The following FAM120A variants were observed in gnomAD, a reference collection of about 807,000 sequenced individuals.
FAM120A encodes the protein constitutive coactivator of PPAR-gamma-like protein 1.
FAM120A carries 15 observed loss-of-function variants against 109.7 expected under a neutral mutation model. The observed-to-expected ratio is 0.14, with a 90% CI of 0.09 to 0.21. The LOEUF is 0.21. Among genes scored for constraint, FAM120A ranks in the 10% least tolerant of loss-of-function variants. The pLI is 1.00. For missense variants in FAM120A, 899 were observed against 1,439.3 expected, an observed-to-expected ratio of 0.62 and a Z score of 6.07; for synonymous variants, 493 against 572.8, an observed-to-expected ratio of 0.86 and a Z score of 1.99.
chr9:93,466,891 A>G (rs1380469510), intron 1 of FAM120A, among the ~76,000 whole-genome samples: 1 of 152,116 alleles, frequency 6.6e-6, no homozygotes, highest in African/African-American at 2.4e-5. Context: ...TGTTCCTGCA[A>G]AGTAATTTCA....
intron 10 of FAM120A, among the ~76,000 whole-genome samples, chr9:93,533,708 CT>C (rs1347588903): frequency 6.6e-6 from 1 of 152,192 alleles, no homozygotes; most frequent in Non-Finnish European, 1.5e-5. Context: ...CTCAGACCCC[CT>C]TTTTTCAGTT....
At chr9:93,469,117 G>C (rs1295169327) in intron 1 of FAM120A, among the ~76,000 whole-genome samples, 1 of 152,214 alleles carries the variant, frequency 6.6e-6, no homozygotes, top group Non-Finnish European at 1.5e-5. Flanking sequence ...TTCAGGTCTT[G>C]GTTAGAAAGC....
intron 1 of FAM120A, among the ~76,000 whole-genome samples, chr9:93,461,385 G>A (rs1193496083): frequency 6.6e-6 from 1 of 152,110 alleles, no homozygotes; most frequent in African/African-American, 2.4e-5. Context: ...TGGATGAGGT[G>A]TTTTAATTTC....
chr9:93,514,835 T>C (rs1860496686), intron 5 of FAM120A, among the ~76,000 whole-genome samples: 2 of 152,234 alleles, frequency 1.3e-5, no homozygotes, highest in Admixed American at 1.3e-4. Context: ...CTTCCTGTGC[T>C]TAGTTAGGCC....
At chr9:93,483,328 A>G (rs978948246) in intron 3 of FAM120A, among the ~76,000 whole-genome samples, 1 of 152,060 alleles carries the variant, frequency 6.6e-6, no homozygotes, top group African/African-American at 2.4e-5. Context: ...TTTAGAAAAT[A>G]TAATATTAGG....
At position 93,452,156 on chromosome 9, in the gene FAM120A, C is replaced by T. The variant is rs1050374233; in HGVS notation, c.241C>T (p.Leu81=). Residue 81 remains leucine (L), a synonymous_variant, in exon 1 of 18, where the codon CTG becomes TTG. Transcript: ENST00000277165. The surrounding 1 kb of genome is among the most constrained non-coding windows in gnomAD (Gnocchi z 7.0). ...WNHMLGYLAA[L]AKACFGGNIE... ...CCACATGCTTGGCTACCTGGCGGCG[C>T]TGGCCAAGGCCTGCTTCGGCGGCAA... The T allele has an allele frequency of 1.9e-6, 3 of 1,611,960 alleles. No homozygotes were observed. The highest frequency in any genetic ancestry group is 1.7e-6 in the Non-Finnish European group (2 of 1,179,802).
intron 1 of FAM120A, among the ~76,000 whole-genome samples, chr9:93,460,021 C>T (rs1274765632): frequency 5.3e-5 from 8 of 152,284 alleles, no homozygotes; most frequent in Admixed American, 1.3e-4. Flanking sequence ...TCAAAATACA[C>T]GCAGGTATAC....
intron 10 of FAM120A, among the ~76,000 whole-genome samples, chr9:93,537,011 A>G (rs544507465): frequency 2.0e-5 from 3 of 152,336 alleles, no homozygotes; most frequent in African/African-American, 7.2e-5. Flanking sequence ...CCACGGTGAT[A>G]GTGGCACCTG....
intron 11 of FAM120A, among the ~76,000 whole-genome samples, chr9:93,547,321 G>A (rs1861923137): frequency 6.6e-6 from 1 of 152,228 alleles, no homozygotes; most frequent in African/African-American, 2.4e-5. Flanking sequence ...GGGATGGAGG[G>A]CATAAGGCTC....
intron 3 of FAM120A, among the ~76,000 whole-genome samples, chr9:93,488,950 T>G (rs1256376615): frequency 6.6e-6 from 1 of 151,558 alleles, no homozygotes; most frequent in Non-Finnish European, 1.5e-5. Flanking sequence ...TTCCCCTGTT[T>G]AGAATTTCTC....
intron 2 of FAM120A, among the ~76,000 whole-genome samples, chr9:93,475,371 G>A (rs1015607295): frequency 2.6e-4 from 40 of 152,200 alleles, no homozygotes; most frequent in African/African-American, 8.4e-4. Flanking sequence ...TTTGGACTAC[G>A]GATGCTCAAC....
chr9:93,486,884 C>T (rs1227518916), intron 3 of FAM120A, among the ~76,000 whole-genome samples: 1 of 152,150 alleles, frequency 6.6e-6, no homozygotes, highest in African/African-American at 2.4e-5. Context: ...AGCAGCTGCA[C>T]AGTTTACATT....
intron 7 of FAM120A, among the ~76,000 whole-genome samples, chr9:93,522,562 A>C (rs2131436878): frequency 6.6e-6 from 1 of 152,266 alleles, no homozygotes; most frequent in African/African-American, 2.4e-5. Flanking sequence ...CATCCACTTT[A>C]TTGCTTTAAT....
intron 1 of FAM120A, among the ~76,000 whole-genome samples, chr9:93,456,029 A>G (rs1430312000): frequency 6.6e-6 from 1 of 152,172 alleles, no homozygotes; most frequent in African/African-American, 2.4e-5. Flanking sequence ...TTTGTTCAGT[A>G]GTAGTAATTG....
At chr9:93,521,686 C>T (rs1230870926) in intron 7 of FAM120A, among the ~76,000 whole-genome samples, 1 of 152,082 alleles carries the variant, frequency 6.6e-6, no homozygotes, top group Non-Finnish European at 1.5e-5. Flanking sequence ...TACCAGCATA[C>T]ACTTGCTTTA....
At chr9:93,539,570 A>G (rs1046498267) in intron 10 of FAM120A, among the ~76,000 whole-genome samples, 3 of 152,210 alleles carry the variant, frequency 2.0e-5, no homozygotes, top group African/African-American at 4.8e-5. Context: ...TCATTTTTAT[A>G]CTACCATGCT....
chr9:93,546,472 G>A (rs984327972), intron 11 of FAM120A, among the ~76,000 whole-genome samples: 2 of 152,186 alleles, frequency 1.3e-5, no homozygotes, highest in Admixed American at 6.5e-5. Context: ...TCTTAATGCC[G>A]TCCCATCTGG....
At chr9:93,490,083 G>A (rs1335951285) in intron 3 of FAM120A, among the ~76,000 whole-genome samples, 1 of 152,238 alleles carries the variant, frequency 6.6e-6, no homozygotes, top group East Asian at 1.9e-4. Context: ...GGGTGGTTCT[G>A]TGTTCCTTTT....
chr9:93,529,222 C>G (rs1162037409), intron 8 of FAM120A, 131 bp from the exon 9 acceptor site: 1 of 739,236 alleles, frequency 1.4e-6, no homozygotes, highest in Non-Finnish European at 2.1e-6. Flanking sequence ...GGCACCAAAT[C>G]TGGTCTCTCT....
Sources: allele counts gnomAD v4.1 joint callset (sites outside exome capture counted in the v4.1 genomes callset), GRCh38; gene constraint gnomAD v4.1.1; non-coding constraint Gnocchi (gnomAD v3.1); transcripts MANE v1.5; gene names NCBI Gene and HGNC (gene_info 2026-07-23, HGNC 2026-07-21).